CACNA2D3: variants seen among roughly 807,000 people sequenced by gnomAD.
The protein encoded by CACNA2D3 is calcium voltage-gated channel auxiliary subunit alpha2delta 3.
Under a neutral mutation model 160.6 loss-of-function variants are expected in CACNA2D3, and 60 were observed. That is an observed-to-expected ratio of 0.37 (90% CI 0.30 to 0.46). The LOEUF is 0.46. Among genes scored for constraint, CACNA2D3 ranks in the 20% least tolerant of loss-of-function variants. The pLI, the probability that CACNA2D3 is intolerant of heterozygous loss-of-function variation, is 1.00. For missense variants in CACNA2D3, 1,205 were observed against 1,365.0 expected (o/e 0.88, Z 1.85); for synonymous variants, 558 against 492.9 (o/e 1.13, Z -1.75).
Position 54,320,478 on chromosome 3 carries a change from G to C in CACNA2D3, c.241G>C (p.Glu81Gln). The change falls in exon 3 of 38, where the codon GAA (glutamate) becomes CAA (glutamine). Residue 81 changes from glutamate (E) to glutamine (Q), a missense_variant. Physicochemically the swap from Glu to Gln is conservative, Grantham distance 29. Transcript: ENST00000474759. ...GTATGAGAAAGACGTTGCCATAGAAGAAATTGATGGCCTCCAACTGGTAAA... is the reference window on the plus strand; with the variant it reads ...GTATGAGAAAGACGTTGCCATAGAACAAATTGATGGCCTCCAACTGGTAAA... The part of the protein sequence containing the change: ...KEYEKDVAIE[E>Q]IDGLQLVKKL... The C allele has an allele frequency of 6.4e-7, 1 of 1,564,286 alleles. No individual in the cohort carries two copies. The highest frequency in any genetic ancestry group is 8.7e-7 in the Non-Finnish European group (1 of 1,153,384).
intron 5 of CACNA2D3, among the ~76,000 whole-genome samples, chr3:54,540,612 G>A (rs1171602370): frequency 6.6e-6 from 1 of 152,162 alleles, no homozygotes; most frequent in Non-Finnish European, 1.5e-5. Flanking sequence ...TTGGATTCTG[G>A]TGAGGACTCT....
intron 13 of CACNA2D3, among the ~76,000 whole-genome samples, chr3:54,801,001 T>A (rs1702972174): frequency 1.3e-5 from 2 of 151,950 alleles, no homozygotes; most frequent in South Asian, 4.2e-4. Context: ...TTTTTTTTTT[T>A]TCTTAGACAG....
chr3:54,984,287 T>C (rs1702568130), intron 29 of CACNA2D3, among the ~76,000 whole-genome samples: 1 of 152,062 alleles, frequency 6.6e-6, no homozygotes, highest in African/African-American at 2.4e-5. Context: ...CTGGGAAATA[T>C]TATTCAGGTC....
intron 3 of CACNA2D3, among the ~76,000 whole-genome samples, chr3:54,367,179 A>G (rs958963294): frequency 2.0e-5 from 3 of 149,872 alleles, no homozygotes; most frequent in Non-Finnish European, 3.0e-5. Context: ...CTGTCCAATC[A>G]TATTTCTTAG....
chr3:54,290,982 C>T (rs1024653747), intron 2 of CACNA2D3, among the ~76,000 whole-genome samples: 6 of 152,116 alleles, frequency 3.9e-5, no homozygotes, highest in African/African-American at 1.4e-4. Flanking sequence ...GGGTGCAGCA[C>T]ACCAACATGG....
intron 3 of CACNA2D3, among the ~76,000 whole-genome samples, chr3:54,364,902 C>T (rs891398576): frequency 1.1e-4 from 16 of 152,198 alleles, no homozygotes; most frequent in African/African-American, 3.1e-4. Flanking sequence ...TATTGAACTC[C>T]TCTTGTCAGA....
intron 4 of CACNA2D3, among the ~76,000 whole-genome samples, chr3:54,418,257 G>A (rs1221074788): frequency 6.6e-6 from 1 of 152,172 alleles, no homozygotes; most frequent in African/African-American, 2.4e-5. Flanking sequence ...AAGTAATTCT[G>A]TCCTGCATAT....
chr3:54,897,074 C>G (rs997579277), intron 26 of CACNA2D3: 3 of 520,430 alleles, frequency 5.8e-6, no homozygotes, highest in African/African-American at 3.8e-5. Flanking sequence ...TTTTCCTTTA[C>G]CAAATTATGT....
In CACNA2D3 at chr3:54,122,660, T is replaced by C; in HGVS notation, c.-54T>C. 18 of 1,006,460 alleles carry C rather than the reference T, an allele frequency of 1.8e-5. No homozygotes were observed. The highest frequency in any genetic ancestry group is 2.0e-5 in the Non-Finnish European group (17 of 846,738). The allele number at this position is 1,006,460 out of a possible 1,614,324, so 62.3% of individuals were successfully genotyped here. A position where few individuals can be genotyped will look rare whatever the true frequency, so the allele number is the denominator to read the frequency against. The stretch of plus-strand genomic sequence containing the variant: ...TCGCCCACCGCCCGCTCCGCGCAGC[T>C]CCCCGCGGCCGCTCTCGTCGCCGCC... On this transcript the variant is annotated 5_prime_UTR_variant, in exon 1 of 38. Transcript: ENST00000474759.
intron 13 of CACNA2D3, among the ~76,000 whole-genome samples, chr3:54,809,986 A>C (rs1201422430): frequency 1.3e-5 from 2 of 152,226 alleles, no homozygotes; most frequent in Admixed American, 1.3e-4. Context: ...GGAATAAACA[A>C]GATGATATTA....
intron 4 of CACNA2D3, among the ~76,000 whole-genome samples, chr3:54,405,392 G>A (rs529948567): frequency 1.0e-3 from 158 of 151,804 alleles, no homozygotes; most frequent in Non-Finnish European, 1.7e-3. Context: ...TGTAGAATAG[G>A]ATAGAGAGCC....
At chr3:54,256,735 T>C (rs909028900) in intron 2 of CACNA2D3, among the ~76,000 whole-genome samples, 1 of 133,574 alleles carries the variant, frequency 7.5e-6, no homozygotes, top group Non-Finnish European at 1.5e-5. Context: ...TCAAGACCAC[T>C]GTAAGGAGTG....
chr3:54,215,781 C>T (rs911604059), intron 2 of CACNA2D3, among the ~76,000 whole-genome samples: 3 of 152,126 alleles, frequency 2.0e-5, no homozygotes, highest in Non-Finnish European at 2.9e-5. Flanking sequence ...TCTCAGTTGC[C>T]GGAAGAGAAG....
intron 4 of CACNA2D3, among the ~76,000 whole-genome samples, chr3:54,481,482 T>C (rs540011279): frequency 2.0e-5 from 3 of 152,200 alleles, no homozygotes; most frequent in Non-Finnish European, 4.4e-5. Context: ...TTCCGTGGCT[T>C]CTCTGGCAAA....
chr3:54,385,962 A>G (rs761427170), intron 3 of CACNA2D3: 1 of 506,548 alleles, frequency 2.0e-6, no homozygotes, highest in Non-Finnish European at 3.9e-6. Context: ...TATATTTTCA[A>G]GGTGGGAAAT....
In CACNA2D3 at chr3:54,642,245, A is replaced by G; in HGVS notation, c.1167+4A>G. ...ATACAATTGGCCAGATCGAAAGGTAAGTTGATGCTGATCCCGTCTGTGCGG... is the reference window on the plus strand; with the variant it reads ...ATACAATTGGCCAGATCGAAAGGTAGGTTGATGCTGATCCCGTCTGTGCGG... On this transcript the variant is annotated splice_donor_region_variant and intron_variant, in intron 11 of 37. Coordinates refer to ENST00000474759, the MANE Select transcript of CACNA2D3 (RefSeq NM_018398.3). 1 of 1,577,258 alleles carries G rather than the reference A, an allele frequency of 6.3e-7. No individual in the cohort carries two copies. The highest frequency in any genetic ancestry group is 8.7e-7 in the Non-Finnish European group (1 of 1,149,916).
chr3:54,525,764 T>C (rs1171041766), intron 5 of CACNA2D3, among the ~76,000 whole-genome samples: 8 of 152,048 alleles, frequency 5.3e-5, no homozygotes, highest in Non-Finnish European at 1.2e-4. Flanking sequence ...TATTTTTTCC[T>C]TGTCTTTGGC....
At chr3:54,150,848 ATGG>A (rs1700135883) in intron 2 of CACNA2D3, among the ~76,000 whole-genome samples, 1 of 151,674 alleles carries the variant, frequency 6.6e-6, no homozygotes, top group Non-Finnish European at 1.5e-5. Context: ...GGATGGATGG[ATGG>A]ATGAGTGGGT....
intron 32 of CACNA2D3, among the ~76,000 whole-genome samples, chr3:55,006,348 T>G (rs979983082): frequency 6.6e-6 from 1 of 152,094 alleles, no homozygotes; most frequent in Non-Finnish European, 1.5e-5. Flanking sequence ...TGGCCCTCTT[T>G]CCCCCGCAAC....
Sources: allele counts gnomAD v4.1 joint callset (sites outside exome capture counted in the v4.1 genomes callset), GRCh38; gene constraint gnomAD v4.1.1; transcripts MANE v1.5; gene names NCBI Gene and HGNC (gene_info 2026-07-23, HGNC 2026-07-21).